The following CRABP1 variants were observed in gnomAD, a reference collection of about 807,000 sequenced individuals.
CRABP1 encodes cellular retinoic acid binding protein 1.
In CRABP1, 9 loss-of-function variants were observed where a neutral mutation model predicts 16.4. That is an observed-to-expected ratio of 0.55 (90% CI 0.33 to 0.96). The LOEUF (loss-of-function observed/expected upper bound fraction) is 0.96. CRABP1 is among the 40% of genes least tolerant of loss of function. CRABP1 has a pLI of 0.03. For synonymous variants in CRABP1, 72 were observed against 70.4 expected (o/e 1.02, Z -0.11); for missense variants, 157 against 186.0 (o/e 0.84, Z 0.91).
chr15:78,341,200 C>T lies in CRABP1; in HGVS notation c.228C>T (p.Thr76=), dbSNP rs774996280. The T allele has an allele frequency of 6.2e-7, 1 of 1,611,058 alleles. No individual in the cohort carries two copies. The part of the protein sequence containing the change: ...FKVGEGFEEE[T]VDGRKCRSLA... ...TCGGAGAAGGCTTTGAGGAGGAGAC[C>T]GTGGACGGACGCAAGTGCAGGGTGA... is the stretch of plus-strand genomic sequence containing the variant. The change falls in exon 2 of 4, where the codon ACC becomes ACT. Residue 76 remains threonine, a synonymous_variant. Transcript: ENST00000299529. This position sits in a 1 kb window ranked among gnomAD's most constrained non-coding sequence, Gnocchi z 5.3.
chr15:78,348,043 C>A lies in CRABP1; in HGVS notation c.*66C>A. 6.6e-7 allele frequency: 1 copy of A among 1,507,972 alleles called. No homozygotes were observed. Among genetic ancestry groups the A allele is most frequent in the South Asian group, 1.1e-5 (1 of 87,408 alleles). The allele number at this position is 1,507,972 out of a possible 1,614,324, so 93.4% of individuals were successfully genotyped here. A position where few individuals can be genotyped will look rare whatever the true frequency, so the allele number is the denominator to read the frequency against. ...CTCCCCTGAGGAATATGTCATAGTT[C>A]TGAGCTGCCAGTGGACCGCCCTTTT... On this transcript the variant is annotated 3_prime_UTR_variant, in exon 4 of 4. Transcript: ENST00000299529.
chr15:78,343,603 A>G lies in CRABP1; in HGVS notation c.354A>G (p.Glu118=). 6.2e-7 allele frequency: 1 copy of G among 1,614,088 alleles called. No homozygotes were observed. The highest frequency in any genetic ancestry group is 1.7e-5 in the Admixed American group (1 of 60,014). ...TYWTRELAND[E]LILTFGADDV... is the part of the protein sequence containing the mutation. ...GGACCCGTGAGCTGGCCAACGATGA[A>G]CTTATCCTGGTAGGGAACCCTTGAC... Residue 118 remains glutamate (E), a synonymous_variant, in exon 3 of 4, where the codon GAA becomes GAG. Transcript: ENST00000299529.
chr15:78,345,364 A>C (rs1299240130), intron 3 of CRABP1, among the ~76,000 whole-genome samples: 1 of 152,170 alleles, frequency 6.6e-6, no homozygotes, highest in Non-Finnish European at 1.5e-5. Context: ...CTCCTTTCAC[A>C]GAGAAAGGAC....
Position 78,343,512 on chromosome 15 carries a change from G to C in CRABP1, c.263G>C (p.Trp88Ser). The C allele has an allele frequency of 1.2e-6, 2 of 1,614,038 alleles. No individual in the cohort carries two copies. The highest frequency in any genetic ancestry group is 1.7e-6 in the Non-Finnish European group (2 of 1,179,930). ...TCCCGCCTGCAGAGTTTAGCCACTTGGGAGAATGAGAACAAGATCCACTGC... is the reference window on the plus strand; with the variant it reads ...TCCCGCCTGCAGAGTTTAGCCACTTCGGAGAATGAGAACAAGATCCACTGC... Reference protein sequence around the residue: ...DGRKCRSLATWENENKIHCTQ... With the variant: ...DGRKCRSLATSENENKIHCTQ... The change falls in exon 3 of 4, where the codon TGG becomes TCG. Residue 88 changes from tryptophan to serine, a missense_variant. Coordinates refer to ENST00000299529, the MANE Select transcript of CRABP1 (RefSeq NM_004378.3).
intron 3 of CRABP1, among the ~76,000 whole-genome samples, 159 bp downstream of exon 3, chr15:78,343,771 A>G (rs2050249168): frequency 1.3e-5 from 2 of 152,238 alleles, no homozygotes. Flanking sequence ...AGTTCAGGTC[A>G]GAGGAAATCA....
intron 2 of CRABP1, among the ~76,000 whole-genome samples, chr15:78,343,015 T>C (rs1051638996): frequency 1.3e-5 from 2 of 152,062 alleles, no homozygotes; most frequent in Admixed American, 1.3e-4. Context: ...CTCAGGAGGC[T>C]GAGACAGGAG....
rs139965793 is a variant in CRABP1 at position 78,343,437 on chromosome 15, G to A, written c.250-62G>A. The A allele has an allele frequency of 3.0e-3, 3,917 of 1,294,392 alleles. 23 individuals are homozygous for A. The highest frequency in any genetic ancestry group is 0.018 in the Middle Eastern group (97 of 5,446). The allele number at this position is 1,294,392 out of a possible 1,614,324, so 80.2% of individuals were successfully genotyped here. A position where few individuals can be genotyped will look rare whatever the true frequency, so the allele number is the denominator to read the frequency against. On this transcript the variant is annotated intron_variant, in intron 2 of 3. Transcript: ENST00000299529. ...GAGCAATTATTTTTCAATGCTCATTGTTGTCCCTGCTCCCGCTGCTGAGAC... is the reference window on the plus strand; with the variant it reads ...GAGCAATTATTTTTCAATGCTCATTATTGTCCCTGCTCCCGCTGCTGAGAC...
At chr15:78,345,819 G>A (rs759085583) in intron 3 of CRABP1, among the ~76,000 whole-genome samples, 1 of 152,154 alleles carries the variant, frequency 6.6e-6, no homozygotes, top group Non-Finnish European at 1.5e-5. Context: ...AATCTAAAAC[G>A]CAGAGAGATG....
At chr15:78,343,165 G>T (rs1172226954) in intron 2 of CRABP1, among the ~76,000 whole-genome samples, 1 of 152,056 alleles carries the variant, frequency 6.6e-6, no homozygotes, top group Non-Finnish European at 1.5e-5. Flanking sequence ...TGAAGGGTTA[G>T]CTAATTTTTA....
At chr15:78,346,790 C>A (rs569200719) in intron 3 of CRABP1, among the ~76,000 whole-genome samples, 1 of 152,250 alleles carries the variant, frequency 6.6e-6, no homozygotes, top group African/African-American at 2.4e-5. Flanking sequence ...ATCTCGTGAC[C>A]AACTAAGATG....
At position 78,341,694 on chromosome 15, in the gene CRABP1, G is replaced by A; in HGVS notation, c.249+473G>A. On this transcript the variant is annotated intron_variant, in intron 2 of 3. Coordinates refer to ENST00000299529, the MANE Select transcript of CRABP1 (RefSeq NM_004378.3). The surrounding 1 kb of genome is among the most constrained non-coding windows in gnomAD (Gnocchi z 5.3). ...TGGATACAGTTTTAGCAGTCCCGAT[G>A]GCCCCGTCACCTCTCCCTTCCCGCC... 1 of 192,010 alleles carries A rather than the reference G, an allele frequency of 5.2e-6. No individual in the cohort carries two copies. The highest frequency in any genetic ancestry group is 5.4e-5 in the Admixed American group (1 of 18,586). The allele number at this position is 192,010 out of a possible 1,614,324, so 11.9% of individuals were successfully genotyped here. A position where few individuals can be genotyped will look rare whatever the true frequency, so the allele number is the denominator to read the frequency against.
intron 3 of CRABP1, chr15:78,347,702 A>G: frequency 6.5e-6 from 3 of 462,714 alleles, no homozygotes; most frequent in Non-Finnish European, 1.1e-5. Context: ...AAGCAAAGGA[A>G]AATGGTATAT....
rs1009267458 is a variant in CRABP1 at position 78,340,354 on chromosome 15, G to C, written c.-75G>C. On this transcript the variant is annotated 5_prime_UTR_variant, in exon 1 of 4. Coordinates refer to ENST00000299529, the MANE Select transcript of CRABP1 (RefSeq NM_004378.3). ...GCGCAGCGCTGGGCGCAAAGCGCCA[G>C]TCTCCGCCTTGCGAGCTCAGAGTGT... is the stretch of plus-strand genomic sequence containing the variant. The C allele has an allele frequency of 1.3e-6, 2 of 1,524,178 alleles. No homozygotes were observed. The highest frequency in any genetic ancestry group is 1.8e-6 in the Non-Finnish European group (2 of 1,129,794). 94.4% of individuals were successfully genotyped at this position (1,524,178 alleles called of 1,614,324 possible).
chr15:78,343,559 G>A lies in CRABP1; in HGVS notation c.310G>A (p.Asp104Asn), dbSNP rs143976499. ...IHCTQTLLEGDGPKTYWTREL... is the reference protein window; with the variant it reads ...IHCTQTLLEGNGPKTYWTREL... The stretch of plus-strand genomic sequence containing the variant: ...CTGCACGCAAACTCTTCTTGAAGGG[G>A]ACGGCCCCAAAACCTACTGGACCCG... The change falls in exon 3 of 4, where the codon GAC (aspartate) becomes AAC (asparagine). Residue 104 changes from aspartate (D) to asparagine (N), a missense_variant. Physicochemically the swap from Asp to Asn is conservative, Grantham distance 23. Coordinates refer to ENST00000299529, the MANE Select transcript of CRABP1 (RefSeq NM_004378.3). The A allele has an allele frequency of 4.3e-6, 7 of 1,614,090 alleles. No individual in the cohort carries two copies. The African/African-American group carries it at 6.7e-5, about 15-fold the overall frequency.
At position 78,343,488 on chromosome 15, in the gene CRABP1, C is replaced by T. The variant is rs767470826; in HGVS notation, c.250-11C>T. Reference sequence around the variant, plus strand: ...TCTAATTAATGTCACTAATGGTTTTCCCGCCTGCAGAGTTTAGCCACTTGG... The same window carrying T: ...TCTAATTAATGTCACTAATGGTTTTTCCGCCTGCAGAGTTTAGCCACTTGG... On this transcript the variant is annotated splice_polypyrimidine_tract_variant and intron_variant, in intron 2 of 3. Coordinates refer to ENST00000299529, the MANE Select transcript of CRABP1 (RefSeq NM_004378.3). 1 of 1,607,906 alleles carries T rather than the reference C, an allele frequency of 6.2e-7. No homozygotes were observed. Among genetic ancestry groups the T allele is most frequent in the Non-Finnish European group, 8.5e-7 (1 of 1,174,770 alleles).
In CRABP1 at chr15:78,342,138, G is replaced by C. The variant is rs562464275; in HGVS notation, c.249+917G>C. 7.1e-3 allele frequency among the ~76,000 whole-genome samples: 1,073 copies of C among 152,130 alleles called. 4 individuals are homozygous for C. The highest frequency in any genetic ancestry group is 0.011 in the Non-Finnish European group (761 of 67,982). On this transcript the variant is annotated intron_variant, in intron 2 of 3. Transcript: ENST00000299529. Reference sequence around the variant, plus strand: ...GGGCTTGGAAGGACAAAGAAACAAAGCCCCCCAGAAGCAGGCTGATCTAGG... The same window carrying C: ...GGGCTTGGAAGGACAAAGAAACAAACCCCCCCAGAAGCAGGCTGATCTAGG...
chr15:78,340,853 T>C, intron 1 of CRABP1, 190 bp from the exon 2 acceptor site: 1 of 656,216 alleles, frequency 1.5e-6, no homozygotes, highest in Non-Finnish European at 2.6e-6. Context: ...GAATTCACTG[T>C]GCAACTCGAG....
At chr15:78,342,849 A>C (rs555804965) in intron 2 of CRABP1, among the ~76,000 whole-genome samples, 2 of 152,162 alleles carry the variant, frequency 1.3e-5, no homozygotes, top group Admixed American at 6.5e-5. Context: ...CTGTTGTCAA[A>C]TCTTGTGGTT....
At chr15:78,345,566 C>T (rs1286365138) in intron 3 of CRABP1, among the ~76,000 whole-genome samples, 1 of 152,084 alleles carries the variant, frequency 6.6e-6, no homozygotes, top group African/African-American at 2.4e-5. Flanking sequence ...GATCGGTTTG[C>T]TCTGAGAAAG....
Sources: gnomAD v4.1 joint callset for allele counts (sites outside exome capture counted in the v4.1 genomes callset) on GRCh38, gnomAD v4.1.1 for gene constraint, Gnocchi (gnomAD v3.1) non-coding constraint, MANE v1.5 for transcripts, NCBI Gene and HGNC (gene_info 2026-07-23, HGNC 2026-07-21) for gene names.